The following TOR1B variants were observed in gnomAD, a reference collection of about 807,000 sequenced individuals.
TOR1B encodes the protein torsin-1B.
TOR1B carries 14 observed loss-of-function variants against 29.2 expected under a neutral mutation model. The observed-to-expected ratio is 0.48, with a 90% CI of 0.32 to 0.75. TOR1B has a LOEUF of 0.75. Among genes scored for constraint, TOR1B ranks in the 30% least tolerant of loss-of-function variants. The probability of loss-of-function intolerance (pLI) is 0.04; values close to 1 mark genes in which losing one functional copy is unlikely to be tolerated. For missense variants in TOR1B, 400 were observed against 433.9 expected (o/e 0.92, Z 0.69); for synonymous variants, 166 against 179.8 (o/e 0.92, Z 0.62).
intron 1 of TOR1B, among the ~76,000 whole-genome samples, chr9:129,803,809 G>GGGATTA (rs2030306828): frequency 6.6e-6 from 1 of 152,198 alleles, no homozygotes; most frequent in South Asian, 2.1e-4. Context: ...AAGGGTGGCT[G>GGGATTA]GGATTAGCAA....
chr9:129,810,007 T>A lies in TOR1B; in HGVS notation c.*424T>A. 1 of 1,193,524 alleles carries A rather than the reference T, an allele frequency of 8.4e-7. No individual in the cohort carries two copies. Among genetic ancestry groups the A allele is most frequent in the East Asian group, 5.9e-5 (1 of 17,084 alleles). The allele number at this position is 1,193,524 out of a possible 1,614,324, so 73.9% of individuals were successfully genotyped here. Reference sequence around the variant, plus strand: ...AAAATCCCCTTCACACTTAATGTACTGACCGAGACAGAAGTACCTGAAAAC... The same window carrying A: ...AAAATCCCCTTCACACTTAATGTACAGACCGAGACAGAAGTACCTGAAAAC... On this transcript the variant is annotated 3_prime_UTR_variant, in exon 5 of 5. Coordinates refer to ENST00000259339, the MANE Select transcript of TOR1B (RefSeq NM_014506.3).
chr9:129,807,162 T>C (rs753897371), intron 2 of TOR1B, 26 bp from the exon 3 acceptor site: 37 of 1,610,314 alleles, frequency 2.3e-5, no homozygotes, highest in Non-Finnish European at 3.1e-5. Context: ...CTTCGCATCC[T>C]GTTTCTTCTT....
Position 129,809,725 on chromosome 9 carries a change from AG to A in TOR1B, c.*143del. On this transcript the variant is annotated 3_prime_UTR_variant, in exon 5 of 5. Transcript: ENST00000259339. ...TGGGTATAGAATCTTTTTTTTGAGAAGAGGTCTCACTCCGTCATCCAAGCTG... is the reference window on the plus strand; with the variant it reads ...TGGGTATAGAATCTTTTTTTTGAGAAAGGTCTCACTCCGTCATCCAAGCTG... 1 of 1,451,790 alleles carries A rather than the reference AG, an allele frequency of 6.9e-7. No homozygotes were observed. The highest frequency in any genetic ancestry group is 9.0e-7 in the Non-Finnish European group (1 of 1,109,956). The allele number at this position is 1,451,790 out of a possible 1,614,324, so 89.9% of individuals were successfully genotyped here. A position where few individuals can be genotyped will look rare whatever the true frequency, so the allele number is the denominator to read the frequency against.
intron 3 of TOR1B, among the ~76,000 whole-genome samples, chr9:129,808,502 T>TAGACTTAGAGC (rs1345596321): frequency 2.7e-5 from 4 of 147,466 alleles, no homozygotes; most frequent in Non-Finnish European, 6.0e-5. Context: ...AAAGGAAAAA[T>TAGACTTAGAGC]AGACTTAGAG....
At chr9:129,809,171 T>G in intron 4 of TOR1B, 139 bp downstream of exon 4, 1 of 1,513,096 alleles carries the variant, frequency 6.6e-7, no homozygotes, top group African/African-American at 1.4e-5. Context: ...TAGGGCATAC[T>G]GTGCTAGAAA....
intron 2 of TOR1B, 102 bp from the exon 3 acceptor site, chr9:129,807,086 C>A (rs1185840890): frequency 1.4e-5 from 17 of 1,198,284 alleles, no homozygotes; most frequent in Non-Finnish European, 1.8e-5. Context: ...TCTAAGAGCT[C>A]TGACCTCGTC....
chr9:129,807,485 CT>C, intron 3 of TOR1B, 122 bp downstream of exon 3: 1 of 1,134,306 alleles, frequency 8.8e-7, no homozygotes. Flanking sequence ...GCACAAGGCA[CT>C]TACCTACTGC....
Position 129,804,066 on chromosome 9 carries a change from C to G in TOR1B, c.200-7C>G. On this transcript the variant is annotated splice_region_variant and splice_polypyrimidine_tract_variant and intron_variant, in intron 1 of 4. Coordinates refer to ENST00000259339, the MANE Select transcript of TOR1B (RefSeq NM_014506.3). ...TTTCTCTCTTTGTTCTGGGGCTGTTCTTGCAGCTCTCAAGCTGGATTTGGA... is the reference window on the plus strand; with the variant it reads ...TTTCTCTCTTTGTTCTGGGGCTGTTGTTGCAGCTCTCAAGCTGGATTTGGA... 2.5e-6 allele frequency: 4 copies of G among 1,613,812 alleles called. No individual in the cohort carries two copies. Among genetic ancestry groups the G allele is most frequent in the Non-Finnish European group, 3.4e-6 (4 of 1,179,798 alleles).
chr9:129,810,113 C>T lies in TOR1B; in HGVS notation c.*530C>T. On this transcript the variant is annotated 3_prime_UTR_variant, in exon 5 of 5. Transcript: ENST00000259339. ...AAGCTACGGTCACAACTAAAGGAGT[C>T]CAGGGACTTGCTGCAGGCTGGGGGG... 1 of 1,295,750 alleles carries T rather than the reference C, an allele frequency of 7.7e-7. No homozygotes were observed. Among genetic ancestry groups the T allele is most frequent in the African/African-American group, 1.5e-5 (1 of 65,864 alleles). 80.3% of individuals were successfully genotyped at this position (1,295,750 alleles called of 1,614,324 possible).
At position 129,810,362 on chromosome 9, in the gene TOR1B, G is replaced by A; in HGVS notation, c.*779G>A. 3 of 960,166 alleles carry A rather than the reference G, an allele frequency of 3.1e-6. No homozygotes were observed. Among genetic ancestry groups the A allele is most frequent in the Non-Finnish European group, 4.2e-6 (3 of 718,826 alleles). 59.5% of individuals were successfully genotyped at this position (960,166 alleles called of 1,614,324 possible). On this transcript the variant is annotated 3_prime_UTR_variant, in exon 5 of 5. Coordinates refer to ENST00000259339, the MANE Select transcript of TOR1B (RefSeq NM_014506.3). Reference sequence around the variant, plus strand: ...GTGTGTGTGTGTGTGGGGGGGTGGGGCCTTCACCTAAGACCTCTGCAGCAG... The same window carrying A: ...GTGTGTGTGTGTGTGGGGGGGTGGGACCTTCACCTAAGACCTCTGCAGCAG...
At position 129,804,297 on chromosome 9, in the gene TOR1B, A is replaced by T; in HGVS notation, c.424A>T (p.Thr142Ser). ...TAACTTTGTCCACCTGTTTGTATCG[A>T]CTCTGCACTTCCCTCATGAGCAGAA... ...KSNFVHLFVS[T>S]LHFPHEQKIK... The change falls in exon 2 of 5, where the codon ACT becomes TCT. Residue 142 changes from threonine to serine, a missense_variant. Physicochemically the swap from Thr to Ser is moderately conservative, Grantham distance 58. Transcript: ENST00000259339. 2 of 1,613,876 alleles carry T rather than the reference A, an allele frequency of 1.2e-6. No individual in the cohort carries two copies. Among genetic ancestry groups the T allele is most frequent in the Non-Finnish European group, 8.5e-7 (1 of 1,179,952 alleles).
Position 129,810,030 on chromosome 9 carries a change from AAC to A in TOR1B, c.*449_*450del. 1.7e-6 allele frequency: 2 copies of A among 1,206,818 alleles called. No homozygotes were observed. Among genetic ancestry groups the A allele is most frequent in the East Asian group, 1.2e-4 (2 of 17,106 alleles). 74.8% of individuals were successfully genotyped at this position (1,206,818 alleles called of 1,614,324 possible). On this transcript the variant is annotated 3_prime_UTR_variant, in exon 5 of 5. Coordinates refer to ENST00000259339, the MANE Select transcript of TOR1B (RefSeq NM_014506.3). Reference sequence around the variant, plus strand: ...ACTGACCGAGACAGAAGTACCTGAAAACAGCTGTGCATGGCAGGCCCGGCAAT... The same window carrying A: ...ACTGACCGAGACAGAAGTACCTGAAAAGCTGTGCATGGCAGGCCCGGCAAT...
chr9:129,807,298 G>A lies in TOR1B; in HGVS notation c.576G>A (p.Pro192=), dbSNP rs971569030. ...LHPGIIDAIK[P]FLDYYEQVDG... ...CCGGGATCATTGACGCAATCAAGCC[G>A]TTTCTAGACTACTACGAGCAGGTTG... is the stretch of plus-strand genomic sequence containing the variant. The change falls in exon 3 of 5, where the codon CCG becomes CCA. Residue 192 remains proline, a synonymous_variant. Coordinates refer to ENST00000259339, the MANE Select transcript of TOR1B (RefSeq NM_014506.3). 2.0e-5 allele frequency: 32 copies of A among 1,614,050 alleles called. No homozygotes were observed. Among genetic ancestry groups the A allele is most frequent in the East Asian group, 1.8e-4 (8 of 44,894 alleles).
chr9:129,803,597 C>T (rs1273969904), intron 1 of TOR1B, among the ~76,000 whole-genome samples, 186 bp downstream of exon 1: 1 of 152,220 alleles, frequency 6.6e-6, no homozygotes, highest in Non-Finnish European at 1.5e-5. Flanking sequence ...AACGCAGAAG[C>T]GGTGCCTTCG....
At chr9:129,804,836 CAAAAAA>C (rs34803368) in intron 2 of TOR1B, among the ~76,000 whole-genome samples, 4 of 50,376 alleles carry the variant, frequency 7.9e-5, no homozygotes, top group African/African-American at 2.9e-4. Context: ...TACTCGGTCT[CAAAAAA>C]AAAAAAAAAA....
At chr9:129,807,100 C>T (rs2030525714) in intron 2 of TOR1B, 88 bp from the exon 3 acceptor site, 3 of 1,333,888 alleles carry the variant, frequency 2.2e-6, no homozygotes, top group South Asian at 2.7e-5. Flanking sequence ...CCTCGTCCTT[C>T]AGTGCATGAG....
Position 129,809,492 on chromosome 9 carries a change from T to C in TOR1B, c.920T>C (p.Val307Ala). 6.2e-7 allele frequency: 1 copy of C among 1,613,564 alleles called. No homozygotes were observed. Residue 307 changes from valine to alanine, a missense_variant, in exon 5 of 5, where the codon GTG (valine) becomes GCG (alanine). Physicochemically the swap from Val to Ala is moderately conservative, Grantham distance 64. Coordinates refer to ENST00000259339, the MANE Select transcript of TOR1B (RefSeq NM_014506.3). ...ATAGATGAAGACATTGTCACAAGAG[T>C]GGCAGAGGAAATGACGTTTTTCCCC... ...SAIDEDIVTR[V>A]AEEMTFFPRD... is the part of the protein sequence containing the mutation.
At chr9:129,807,424 G>A (rs1349304182) in intron 3 of TOR1B, 61 bp downstream of exon 3, 2 of 1,588,208 alleles carry the variant, frequency 1.3e-6, no homozygotes, top group Non-Finnish European at 1.7e-6. Flanking sequence ...GATAAAATGA[G>A]GTCCTGAGGA....
At chr9:129,805,859 A>G (rs1221334079) in intron 2 of TOR1B, among the ~76,000 whole-genome samples, 1 of 152,188 alleles carries the variant, frequency 6.6e-6, no homozygotes, top group Non-Finnish European at 1.5e-5. Flanking sequence ...CATTCATTTT[A>G]TATTAAGTTG....
Sources: gnomAD v4.1 joint callset for allele counts (sites outside exome capture counted in the v4.1 genomes callset) on GRCh38, gnomAD v4.1.1 for gene constraint, MANE v1.5 for transcripts, NCBI Gene and HGNC (gene_info 2026-07-23, HGNC 2026-07-21) for gene names.